The following RPF2 variants were observed in gnomAD, a reference collection of about 807,000 sequenced individuals.
The protein encoded by RPF2 is ribosome production factor 2 homolog, also known as brix domain containing 1.
A neutral mutation model predicts 38.9 loss-of-function variants in RPF2; 21 were observed. That is an observed-to-expected ratio of 0.54 (90% CI 0.38 to 0.78). RPF2 has a LOEUF of 0.78. Ranked by LOEUF, RPF2 falls within the 30% of genes least tolerant of loss-of-function variation. The pLI is 0.00. For missense variants in RPF2, 314 were observed against 358.1 expected (o/e 0.88, Z 0.99); for synonymous variants, 121 against 126.2 (o/e 0.96, Z 0.28).
At chr6:111,023,428 G>A (rs959553930) in intron 8 of RPF2, among the ~76,000 whole-genome samples, 7 of 152,130 alleles carry the variant, frequency 4.6e-5, no homozygotes, top group African/African-American at 9.7e-5. Context: ...CTTGTTAATC[G>A]TATAAACATA....
intron 8 of RPF2, among the ~76,000 whole-genome samples, chr6:111,021,927 T>C (rs1307999282): frequency 6.6e-6 from 1 of 152,216 alleles, no homozygotes; most frequent in Non-Finnish European, 1.5e-5. Context: ...AAACAGGAAA[T>C]TATATTAATA....
chr6:111,010,399 T>A (rs1414957748), intron 7 of RPF2, among the ~76,000 whole-genome samples: 2 of 152,186 alleles, frequency 1.3e-5, no homozygotes, highest in African/African-American at 4.8e-5. Context: ...GTGGTGAGAT[T>A]ACAGGCATGA....
chr6:111,014,473 C>T (rs1772073375), intron 7 of RPF2, among the ~76,000 whole-genome samples: 1 of 152,052 alleles, frequency 6.6e-6, no homozygotes, highest in Non-Finnish European at 1.5e-5. Context: ...GAAAAGCAGA[C>T]AACAAAAGAT....
intron 4 of RPF2, among the ~76,000 whole-genome samples, chr6:110,994,029 C>G (rs6907245): frequency 1.3e-4 from 20 of 151,236 alleles, no homozygotes; most frequent in African/African-American, 4.9e-4. Flanking sequence ...GTAATCCCAG[C>G]GCTCTGGGAG....
At chr6:110,992,739 T>C (rs1304985883) in intron 4 of RPF2, among the ~76,000 whole-genome samples, 1 of 152,104 alleles carries the variant, frequency 6.6e-6, no homozygotes, top group Admixed American at 6.6e-5. Flanking sequence ...TGGAGAATGA[T>C]GAATGGACTT....
chr6:111,007,721 G>T lies in RPF2; in HGVS notation c.394-317G>T, dbSNP rs369336170. 2.0e-5 allele frequency among the ~76,000 whole-genome samples: 3 copies of T among 152,214 alleles called. No homozygotes were observed. In the South Asian group the frequency reaches 6.2e-4, roughly 32 times the overall value. ...GCACTTTGGGAGGCTGAGGCAGGCGGATCATTTGAGGTCAGGAGTTTGAGA... is the reference window on the plus strand; with the variant it reads ...GCACTTTGGGAGGCTGAGGCAGGCGTATCATTTGAGGTCAGGAGTTTGAGA... On this transcript the variant is annotated intron_variant, in intron 6 of 9. Coordinates refer to ENST00000441448, the MANE Select transcript of RPF2 (RefSeq NM_032194.3).
chr6:111,006,776 T>A (rs1295895793), intron 6 of RPF2, among the ~76,000 whole-genome samples: 1 of 152,060 alleles, frequency 6.6e-6, no homozygotes, highest in Non-Finnish European at 1.5e-5. Flanking sequence ...CCAGCTAATT[T>A]TTAAAAGTTT....
intron 6 of RPF2, among the ~76,000 whole-genome samples, chr6:111,005,979 G>GT (rs1313201407): frequency 6.6e-6 from 1 of 151,982 alleles, no homozygotes; most frequent in African/African-American, 2.4e-5. Flanking sequence ...TAATTTTTGT[G>GT]TTTTTTAGTA....
chr6:111,014,379 G>A (rs962235849), intron 7 of RPF2, among the ~76,000 whole-genome samples: 44 of 152,000 alleles, frequency 2.9e-4, no homozygotes, highest in African/African-American at 9.7e-4. Flanking sequence ...TGATCTGCTC[G>A]CCTCGGCCTC....
At chr6:111,015,704 T>C in intron 7 of RPF2, 50 bp from the exon 8 acceptor site, 2 of 1,279,838 alleles carry the variant, frequency 1.6e-6, no homozygotes, top group South Asian at 1.2e-5. Context: ...TGTAACTGAA[T>C]TTTGCAAGTA....
intron 1 of RPF2, 111 bp from the exon 2 acceptor site, chr6:110,984,895 T>A: frequency 8.5e-7 from 1 of 1,174,186 alleles, no homozygotes; most frequent in Non-Finnish European, 1.2e-6. Context: ...TTTTTAAGGG[T>A]GGAACCCTAA....
Position 111,024,471 on chromosome 6 carries a change from TG to T in RPF2, c.741+147del, listed in dbSNP as rs1772287726. 4.8e-6 allele frequency: 3 copies of T among 619,250 alleles called. No individual in the cohort carries two copies. The East Asian group carries it at 1.0e-4, about 21-fold the overall frequency. The allele number at this position is 619,250 out of a possible 1,614,324, so 38.4% of individuals were successfully genotyped here. A position where few individuals can be genotyped will look rare whatever the true frequency, so the allele number is the denominator to read the frequency against. On this transcript the variant is annotated intron_variant, in intron 9 of 9. Coordinates refer to ENST00000441448, the MANE Select transcript of RPF2 (RefSeq NM_032194.3). ...GCTCACGCCTGTAATCCCAGCACTT[TG>T]GGAGGCCGAAGTGGGTGGATCACAA...
At chr6:110,983,885 C>T (rs1284094514) in intron 1 of RPF2, among the ~76,000 whole-genome samples, 1 of 151,910 alleles carries the variant, frequency 6.6e-6, no homozygotes, top group Non-Finnish European at 1.5e-5. Context: ...AAAAATTAGC[C>T]GGGCGTCGTG....
Position 110,989,059 on chromosome 6 carries a change from A to G in RPF2, c.188A>G (p.Tyr63Cys). 6.4e-7 allele frequency: 1 copy of G among 1,562,806 alleles called. No homozygotes were observed. Among genetic ancestry groups the G allele is most frequent in the Non-Finnish European group, 8.6e-7 (1 of 1,159,906 alleles). Residue 63 changes from tyrosine to cysteine, a missense_variant, in exon 3 of 10, where the codon TAT (tyrosine) becomes TGT (cysteine). By Grantham distance (194) the Tyr-to-Cys change is radical. Coordinates refer to ENST00000441448, the MANE Select transcript of RPF2 (RefSeq NM_032194.3). The stretch of plus-strand genomic sequence containing the variant: ...CTGAAAAAACCATACGGTGTACTAT[A>G]TAAAAAGTAAGTCATGATTTCTTTT... ...YALKKPYGVL[Y>C]KKKNITRPFE...
chr6:110,999,163 C>A lies in RPF2; in HGVS notation c.317-548C>A, dbSNP rs561125828. ...TCTCTTCGGGCTCTCAGCATCCCTG[C>A]CTACTTAGTTGTAGATGCAGCACAA... On this transcript the variant is annotated intron_variant, in intron 5 of 9. Transcript: ENST00000441448. Among the ~76,000 whole-genome samples, 4 of 152,162 alleles carry A rather than the reference C, an allele frequency of 2.6e-5. No homozygotes were observed. The South Asian group carries it at 8.3e-4, about 32-fold the overall frequency.
intron 8 of RPF2, among the ~76,000 whole-genome samples, chr6:111,021,441 CAT>C (rs1366525125): frequency 3.3e-5 from 5 of 152,144 alleles, no homozygotes; most frequent in Non-Finnish European, 5.9e-5. Flanking sequence ...AATCACTAAA[CAT>C]GTGGATCAGC....
intron 4 of RPF2, among the ~76,000 whole-genome samples, chr6:110,995,645 T>C (rs1166707990): frequency 6.6e-6 from 1 of 152,170 alleles, no homozygotes; most frequent in Non-Finnish European, 1.5e-5. Flanking sequence ...ATTTTCGTGC[T>C]AAAAGTGGTG....
At chr6:110,982,261 AG>A in intron 1 of RPF2, 132 bp downstream of exon 1, 1 of 1,022,066 alleles carries the variant, frequency 9.8e-7, no homozygotes, top group Non-Finnish European at 1.5e-6. Flanking sequence ...ATCGATCACC[AG>A]CCCGGGTCCT....
At chr6:110,996,539 A>C (rs1771714128) in intron 4 of RPF2, among the ~76,000 whole-genome samples, 1 of 152,222 alleles carries the variant, frequency 6.6e-6, no homozygotes, top group African/African-American at 2.4e-5. Flanking sequence ...TGCGAGTAAA[A>C]GGAATTTGTT....
Sources: gnomAD v4.1 joint callset for allele counts (sites outside exome capture counted in the v4.1 genomes callset) on GRCh38, gnomAD v4.1.1 for gene constraint, MANE v1.5 for transcripts, NCBI Gene and HGNC (gene_info 2026-07-23, HGNC 2026-07-21) for gene names.